MTUS1: variants seen among roughly 807,000 people sequenced by gnomAD.
MTUS1 encodes the protein microtubule associated scaffold protein 1.
A neutral mutation model predicts 120.8 loss-of-function variants in MTUS1; 109 were observed. The ratio of observed to expected loss-of-function variants is 0.90; its 90% CI spans 0.77 to 1.06. The LOEUF is 1.06. Ranked by LOEUF, MTUS1 falls within the 50% of genes least tolerant of loss-of-function variation. MTUS1 has a pLI of 0.00. For synonymous variants in MTUS1, 737 were observed against 550.5 expected (o/e 1.34, Z -4.74); for missense variants, 2,210 against 1,486.3 (o/e 1.49, Z -8.01).
intron 6 of MTUS1, among the ~76,000 whole-genome samples, chr8:17,709,796 CA>C (rs769784388): frequency 9.9e-5 from 15 of 152,008 alleles, no homozygotes; most frequent in Admixed American, 2.0e-4. Context: ...ATCATGAAGT[CA>C]GGAGATGGAG....
At chr8:17,768,789 C>G (rs1166664456) in intron 1 of MTUS1, among the ~76,000 whole-genome samples, 1 of 152,060 alleles carries the variant, frequency 6.6e-6, no homozygotes, top group African/African-American at 2.4e-5. Context: ...GGTGGGCAGA[C>G]AGCATTCCAA....
At chr8:17,772,162 A>C (rs1025314744) in intron 1 of MTUS1, among the ~76,000 whole-genome samples, 3 of 152,196 alleles carry the variant, frequency 2.0e-5, no homozygotes, top group Non-Finnish European at 4.4e-5. Flanking sequence ...ATAAAACTCT[A>C]ATTTTTATCC....
chr8:17,650,339 A>C (rs1182881232), intron 12 of MTUS1, among the ~76,000 whole-genome samples: 3 of 152,190 alleles, frequency 2.0e-5, no homozygotes, highest in Admixed American at 2.0e-4. Context: ...CTCCTACCAA[A>C]CAAACTGATC....
intron 8 of MTUS1, among the ~76,000 whole-genome samples, chr8:17,663,601 TTTTG>T (rs1810251024): frequency 1.1e-5 from 1 of 88,220 alleles, no homozygotes; most frequent in African/African-American, 3.3e-5. Flanking sequence ...TTTTGTTTTG[TTTTG>T]TTTTTTTTGA....
chr8:17,800,362 C>CACTGG (rs2052583682), intron 1 of MTUS1, among the ~76,000 whole-genome samples: 1 of 152,194 alleles, frequency 6.6e-6, no homozygotes, highest in Non-Finnish European at 1.5e-5. Context: ...ACAAACAAAA[C>CACTGG]ACACTGGATT....
At chr8:17,713,993 T>A (rs1821836779) in intron 5 of MTUS1, among the ~76,000 whole-genome samples, 1 of 152,202 alleles carries the variant, frequency 6.6e-6, no homozygotes, top group South Asian at 2.1e-4. Context: ...AGTCTCCTGT[T>A]CTACAAAGCT....
At chr8:17,679,783 G>T (rs1813954280) in intron 7 of MTUS1, among the ~76,000 whole-genome samples, 1 of 152,070 alleles carries the variant, frequency 6.6e-6, no homozygotes, top group Admixed American at 6.6e-5. Flanking sequence ...GATTACAGGT[G>T]TGAGCCACCA....
intron 1 of MTUS1, among the ~76,000 whole-genome samples, chr8:17,788,402 C>T (rs1160210163): frequency 6.6e-6 from 1 of 152,156 alleles, no homozygotes; most frequent in Non-Finnish European, 1.5e-5. Context: ...CCTTCCTACC[C>T]AACAGAAACC....
chr8:17,701,847 C>T (rs1289157881), intron 6 of MTUS1, among the ~76,000 whole-genome samples: 1 of 152,144 alleles, frequency 6.6e-6, no homozygotes, highest in African/African-American at 2.4e-5. Flanking sequence ...CCGCACCCGG[C>T]CAGAATTTTC....
chr8:17,779,170 T>C (rs2050684321), intron 1 of MTUS1, among the ~76,000 whole-genome samples: 1 of 152,202 alleles, frequency 6.6e-6, no homozygotes, highest in Non-Finnish European at 1.5e-5. Flanking sequence ...TTTCTAAATG[T>C]GTCATTACAG....
intron 6 of MTUS1, among the ~76,000 whole-genome samples, chr8:17,689,438 T>TA (rs1345493906): frequency 6.6e-6 from 1 of 152,210 alleles, no homozygotes; most frequent in East Asian, 1.9e-4. Flanking sequence ...CATATTCATA[T>TA]AAAAAATTCC....
intron 1 of MTUS1, among the ~76,000 whole-genome samples, chr8:17,776,840 T>A (rs2050479764): frequency 6.6e-6 from 1 of 152,146 alleles, no homozygotes; most frequent in South Asian, 2.1e-4. Flanking sequence ...TGTTTTCCTA[T>A]CTAAATACAA....
Position 17,788,878 on chromosome 8 carries a change from G to C in MTUS1, c.-155+12183C>G, listed in dbSNP as rs528843935. Reference sequence around the variant, plus strand: ...AACAGTAAGTTTCAGGATAGTACTGGGTCCAAAGTATTTACTTTTATACAA... The same window carrying C: ...AACAGTAAGTTTCAGGATAGTACTGCGTCCAAAGTATTTACTTTTATACAA... On this transcript the variant is annotated intron_variant, in intron 1 of 14. Transcript: ENST00000693296. 6.6e-4 allele frequency among the ~76,000 whole-genome samples: 100 copies of C among 152,104 alleles called. 1 individual carries two copies. In the South Asian group the frequency reaches 0.021, roughly 31 times the overall value.
intron 4 of MTUS1, among the ~76,000 whole-genome samples, chr8:17,718,999 G>C (rs929814488): frequency 6.6e-6 from 1 of 151,894 alleles, no homozygotes; most frequent in African/African-American, 2.4e-5. Context: ...GCAAAACCCT[G>C]TCTCTACTGA....
chr8:17,693,170 T>C (rs1817290818), intron 6 of MTUS1: 1 of 152,190 alleles, frequency 6.6e-6, no homozygotes, highest in South Asian at 2.1e-4. Context: ...CACTAACTCA[T>C]TATAAAAATA....
chr8:17,668,433 A>G (rs1585541155), intron 8 of MTUS1, among the ~76,000 whole-genome samples: 1 of 152,214 alleles, frequency 6.6e-6, no homozygotes, highest in Non-Finnish European at 1.5e-5. Flanking sequence ...CTGTTATTCA[A>G]CATGACTCTG....
At chr8:17,664,918 G>GA (rs1810568483) in intron 8 of MTUS1, among the ~76,000 whole-genome samples, 2 of 151,806 alleles carry the variant, frequency 1.3e-5, no homozygotes, top group East Asian at 3.9e-4. Flanking sequence ...GCCTAAAGAA[G>GA]AAAAAAAAGG....
intron 6 of MTUS1, among the ~76,000 whole-genome samples, chr8:17,706,488 G>A (rs1384306872): frequency 6.6e-6 from 1 of 152,130 alleles, no homozygotes; most frequent in Non-Finnish European, 1.5e-5. Context: ...AAACAATGAT[G>A]TAACATTTTA....
chr8:17,653,083 T>C, intron 12 of MTUS1, 103 bp downstream of exon 12: 2 of 677,798 alleles, frequency 3.0e-6, no homozygotes, highest in Non-Finnish European at 5.0e-6. Flanking sequence ...ATGAGAAGGA[T>C]TCCCAACCTG....
Sources: allele counts gnomAD v4.1 joint callset (sites outside exome capture counted in the v4.1 genomes callset), GRCh38; gene constraint gnomAD v4.1.1; transcripts MANE v1.5; gene names NCBI Gene and HGNC (gene_info 2026-07-23, HGNC 2026-07-21).